Variants in SFT2D1 observed in about 807,000 individuals in gnomAD.
SFT2D1 encodes the protein vesicle transport protein SFT2A.
A neutral mutation model predicts 28.1 loss-of-function variants in SFT2D1; 24 were observed. The observed-to-expected ratio is 0.85, with a 90% CI of 0.62 to 1.20. The LOEUF (loss-of-function observed/expected upper bound fraction) is 1.20. Among genes scored for constraint, SFT2D1 ranks in the 50% most tolerant of loss-of-function variants. The probability of loss-of-function intolerance (pLI) is 0.00; values close to 1 mark genes in which losing one functional copy is unlikely to be tolerated. For synonymous variants in SFT2D1, 82 were observed against 73.7 expected (o/e 1.11, Z -0.58); for missense variants, 181 against 190.9 (o/e 0.95, Z 0.31).
intron 1 of SFT2D1, among the ~76,000 whole-genome samples, chr6:166,331,625 A>G (rs548560557): frequency 1.3e-5 from 2 of 152,372 alleles, no homozygotes; most frequent in East Asian, 3.9e-4. Context: ...CAGGAAGAAT[A>G]TACACTAAGT....
At chr6:166,325,802 G>A (rs1229826755) in intron 5 of SFT2D1, 4 of 334,732 alleles carry the variant, frequency 1.2e-5, no homozygotes, top group African/African-American at 6.4e-5. Context: ...TTAGCCACCA[G>A]CTGGGTAGGT....
chr6:166,337,441 G>A (rs547893249), intron 1 of SFT2D1, among the ~76,000 whole-genome samples: 1 of 152,102 alleles, frequency 6.6e-6, no homozygotes, highest in African/African-American at 2.4e-5. Context: ...TGCTTACAAT[G>A]TTCTCTTCAA....
At chr6:166,332,424 T>G (rs7753161) in intron 1 of SFT2D1, among the ~76,000 whole-genome samples, 1 of 151,986 alleles carries the variant, frequency 6.6e-6, no homozygotes, top group Non-Finnish European at 1.5e-5. Context: ...CTGACTAATT[T>G]TTTGTATTTT....
intron 4 of SFT2D1, among the ~76,000 whole-genome samples, chr6:166,327,731 A>G (rs574458895): frequency 4.6e-5 from 7 of 152,346 alleles, no homozygotes; most frequent in African/African-American, 1.7e-4. Context: ...ACGCAGCAGA[A>G]GCAGGCTTTA....
chr6:166,324,500 C>T, intron 6 of SFT2D1, 37 bp downstream of exon 6: 1 of 1,585,488 alleles, frequency 6.3e-7, no homozygotes, highest in Non-Finnish European at 8.6e-7. Context: ...ACGTCTCAGG[C>T]AATTTTAACA....
chr6:166,329,070 G>A (rs923654481), intron 3 of SFT2D1, among the ~76,000 whole-genome samples: 3 of 152,082 alleles, frequency 2.0e-5, no homozygotes, highest in South Asian at 2.1e-4. Flanking sequence ...CCTGGGCTCC[G>A]GATTCCCACC....
At chr6:166,329,999 G>A (rs150012159) in intron 2 of SFT2D1, among the ~76,000 whole-genome samples, 162 bp downstream of exon 2, 23 of 152,112 alleles carry the variant, frequency 1.5e-4, no homozygotes, top group East Asian at 3.9e-4. Context: ...TAATTTCTAC[G>A]TATTTTCATT....
intron 4 of SFT2D1, among the ~76,000 whole-genome samples, 191 bp downstream of exon 4, chr6:166,328,085 A>G (rs1778483931): frequency 6.6e-6 from 1 of 152,146 alleles, no homozygotes. Context: ...GACGTGAGCC[A>G]CCGTGCCCGG....
rs2114898469 is a variant in SFT2D1 at position 166,328,267 on chromosome 6, T to C, written c.315+9A>G. 3 of 1,557,398 alleles carry C rather than the reference T, an allele frequency of 1.9e-6. No individual in the cohort carries two copies. The highest frequency in any genetic ancestry group is 1.2e-5 in the South Asian group (1 of 82,452). ...CAATAAAAGTTTTAAAAATGTATTA[T>C]TTACTTACAAGCATAACAATTGTTG... On this transcript the variant is annotated intron_variant, in intron 4 of 7. Transcript: ENST00000361731.
intron 1 of SFT2D1, among the ~76,000 whole-genome samples, chr6:166,333,506 T>C (rs913397639): frequency 1.3e-5 from 2 of 152,222 alleles, no homozygotes; most frequent in Admixed American, 6.5e-5. Flanking sequence ...TGCTGACTCC[T>C]TGGCCTCCTG....
At chr6:166,330,099 A>G (rs1342509959) in intron 2 of SFT2D1, 62 bp downstream of exon 2, 4 of 1,302,174 alleles carry the variant, frequency 3.1e-6, no homozygotes, top group South Asian at 3.1e-5. Flanking sequence ...TTTTGGTACT[A>G]AATGGAATTA....
intron 1 of SFT2D1, chr6:166,335,446 T>C (rs1386340041): frequency 3.6e-6 from 2 of 552,924 alleles, no homozygotes; most frequent in Non-Finnish European, 7.0e-6. Flanking sequence ...CTGGCCCTTA[T>C]GGTGGTGGAG....
intron 1 of SFT2D1, among the ~76,000 whole-genome samples, chr6:166,341,073 A>G (rs1475011581): frequency 6.6e-6 from 1 of 152,206 alleles, no homozygotes; most frequent in Non-Finnish European, 1.5e-5. Context: ...CTTTAACCAC[A>G]TGTGCCTACT....
intron 3 of SFT2D1, among the ~76,000 whole-genome samples, chr6:166,328,719 G>C (rs919416440): frequency 6.6e-6 from 1 of 152,216 alleles, no homozygotes; most frequent in Non-Finnish European, 1.5e-5. Flanking sequence ...CTTGGGGGAT[G>C]CATCTATCAG....
At chr6:166,333,688 G>T (rs1002903393) in intron 1 of SFT2D1, among the ~76,000 whole-genome samples, 7 of 152,180 alleles carry the variant, frequency 4.6e-5, no homozygotes, top group African/African-American at 1.7e-4. Flanking sequence ...AGGGCAGGGG[G>T]GTCCTGAGCC....
intron 5 of SFT2D1, among the ~76,000 whole-genome samples, chr6:166,325,132 A>G (rs769267446): frequency 6.6e-6 from 1 of 152,170 alleles, no homozygotes; most frequent in Non-Finnish European, 1.5e-5. Context: ...TCTTCAATCT[A>G]CTGTTTATAA....
chr6:166,320,381 T>G, intron 7 of SFT2D1, 125 bp from the exon 8 acceptor site: 1 of 694,638 alleles, frequency 1.4e-6, no homozygotes, highest in Non-Finnish European at 2.4e-6. Context: ...ACTTTTTGAT[T>G]AATAAAAACT....
chr6:166,332,405 C>T (rs1487173672), intron 1 of SFT2D1, among the ~76,000 whole-genome samples: 1 of 152,208 alleles, frequency 6.6e-6, no homozygotes, highest in Non-Finnish European at 1.5e-5. Context: ...CAGGTCCACG[C>T]CACCAGGCCT....
At chr6:166,331,483 T>C (rs1778547872) in intron 1 of SFT2D1, 1 of 152,684 alleles carries the variant, frequency 6.5e-6, no homozygotes, top group African/African-American at 2.4e-5. Flanking sequence ...TAACACATTT[T>C]AAATGTTTTT....
Sources: allele counts gnomAD v4.1 joint callset (sites outside exome capture counted in the v4.1 genomes callset), GRCh38; gene constraint gnomAD v4.1.1; transcripts MANE v1.5; gene names NCBI Gene and HGNC (gene_info 2026-07-23, HGNC 2026-07-21).